The following CPSF6 variants were observed in gnomAD, a reference collection of about 807,000 sequenced individuals.
CPSF6 encodes cleavage and polyadenylation specificity factor subunit 6.
In CPSF6, 10 loss-of-function variants were observed where a neutral mutation model predicts 56.7. The ratio of observed to expected loss-of-function variants is 0.18; its 90% confidence interval spans 0.11 to 0.30. CPSF6 has a LOEUF of 0.30. Ranked by LOEUF, CPSF6 falls within the 10% of genes least tolerant of loss-of-function variation. The pLI is 1.00. For synonymous variants in CPSF6, 248 were observed against 244.8 expected, an observed-to-expected ratio of 1.01 and a Z score of -0.12; for missense variants, 419 against 722.9, an observed-to-expected ratio of 0.58 and a Z score of 4.82.
intron 1 of CPSF6, among the ~76,000 whole-genome samples, chr12:69,246,083 TCA>T (rs907323166): frequency 3.9e-5 from 6 of 152,142 alleles, no homozygotes; most frequent in African/African-American, 1.4e-4. Context: ...CGAGACTTTG[TCA>T]CACACAAAAA....
Position 69,261,621 on chromosome 12 carries a change from A to C in CPSF6, c.1470-752A>C, listed in dbSNP as rs1056090988. ...GCCTTGATCAAGGATTTTAGCACCT[A>C]ATGTTTGCTAAGCTTAGCTGTCTGG... is the stretch of plus-strand genomic sequence containing the variant. On this transcript the variant is annotated intron_variant, in intron 8 of 9. Transcript: ENST00000435070. Among the ~76,000 whole-genome samples, 4 of 150,628 alleles carry C rather than the reference A, an allele frequency of 2.7e-5. No individual in the cohort carries two copies. In the East Asian group the frequency reaches 7.7e-4, roughly 29 times the overall value.
At chr12:69,248,811 T>C (rs1872049553) in intron 1 of CPSF6, among the ~76,000 whole-genome samples, 2 of 152,098 alleles carry the variant, frequency 1.3e-5, no homozygotes, top group African/African-American at 4.8e-5. Context: ...CAAGTAAAAT[T>C]GGTATGTAAA....
chr12:69,258,432 A>T lies in CPSF6; in HGVS notation c.695-158A>T, dbSNP rs972705164. Among the ~76,000 whole-genome samples, 5 of 152,234 alleles carry T rather than the reference A, an allele frequency of 3.3e-5. No individual in the cohort carries two copies. Among genetic ancestry groups the T allele is most frequent in the Non-Finnish European group, 7.3e-5 (5 of 68,044 alleles). On this transcript the variant is annotated intron_variant, in intron 5 of 9. Coordinates refer to ENST00000435070, the MANE Select transcript of CPSF6 (RefSeq NM_007007.3). The surrounding 1 kb of genome is among the most constrained non-coding windows in gnomAD (Gnocchi z 4.2). ...AGTTAAATTTGTAAGGATATACTTCATTGTAGTTGGTAGTGTAACATTTAC... is the reference window on the plus strand; with the variant it reads ...AGTTAAATTTGTAAGGATATACTTCTTTGTAGTTGGTAGTGTAACATTTAC...
intron 4 of CPSF6, 91 bp from the exon 5 acceptor site, chr12:69,257,641 A>G (rs1872567324): frequency 1.6e-6 from 2 of 1,224,342 alleles, no homozygotes; most frequent in Non-Finnish European, 2.3e-6. Flanking sequence ...AAGTTAATAT[A>G]TTAGAAATAG....
intron 6 of CPSF6, 73 bp downstream of exon 6, chr12:69,259,167 A>T: frequency 6.9e-7 from 1 of 1,459,248 alleles, no homozygotes; most frequent in Non-Finnish European, 9.2e-7. Flanking sequence ...ATTAGATTGT[A>T]GGTATATAAA....
In CPSF6 at chr12:69,258,839, G is replaced by A; in HGVS notation, c.944G>A (p.Gly315Glu). ...PPPGPPPPQQGPPPPPGPFPP... is the reference protein window; with the variant it reads ...PPPGPPPPQQEPPPPPGPFPP... Reference sequence around the variant, plus strand: ...CCTGGCCCACCACCTCCACAACAGGGACCACCTCCACCTCCAGGCCCCTTT... The same window carrying A: ...CCTGGCCCACCACCTCCACAACAGGAACCACCTCCACCTCCAGGCCCCTTT... The change falls in exon 6 of 10, where the codon GGA becomes GAA. Residue 315 changes from glycine (G) to glutamate (E), a missense_variant. Physicochemically the swap from Gly to Glu is moderately conservative, Grantham distance 98 (BLOSUM62 -2). Transcript: ENST00000435070. The surrounding 1 kb of genome is among the most constrained non-coding windows in gnomAD (Gnocchi z 4.2). 1 of 1,613,522 alleles carries A rather than the reference G, an allele frequency of 6.2e-7. No homozygotes were observed. The highest frequency in any genetic ancestry group is 8.5e-7 in the Non-Finnish European group (1 of 1,179,814).
rs76567185 is a variant in CPSF6 at position 69,256,888 on chromosome 12, C to T, written c.520+46C>T. ...TTTATTAAAATATGTACATTTTAACCAGTGCATTTGTTAGGTGTTATACTA... is the reference window on the plus strand; with the variant it reads ...TTTATTAAAATATGTACATTTTAACTAGTGCATTTGTTAGGTGTTATACTA... On this transcript the variant is annotated intron_variant, in intron 4 of 9. Transcript: ENST00000435070. The T allele has an allele frequency of 1.6e-3, 2,440 of 1,507,012 alleles. 4 individuals are homozygous for T. The highest frequency in any genetic ancestry group is 2.2e-3 in the Admixed American group (109 of 48,462). The allele number at this position is 1,507,012 out of a possible 1,614,324, so 93.4% of individuals were successfully genotyped here.
chr12:69,260,780 A>G (rs1405068037), intron 8 of CPSF6, among the ~76,000 whole-genome samples: 5 of 152,112 alleles, frequency 3.3e-5, no homozygotes, highest in South Asian at 2.1e-4. Context: ...CCTGCTTACT[A>G]TATTTCTTTT....
chr12:69,262,640 G>T, intron 9 of CPSF6, 78 bp downstream of exon 9: 1 of 1,343,816 alleles, frequency 7.4e-7, no homozygotes, highest in Middle Eastern at 1.9e-4. Flanking sequence ...TGTTTATACA[G>T]TATATACCTA....
intron 1 of CPSF6, among the ~76,000 whole-genome samples, chr12:69,240,864 C>T (rs1160307739): frequency 6.6e-6 from 1 of 152,112 alleles, no homozygotes; most frequent in African/African-American, 2.4e-5. Flanking sequence ...ACCTGCTGTT[C>T]GTATCTACTG....
In CPSF6 at chr12:69,249,152, C is replaced by CGGTGGGGG. The variant is rs1491257320; in HGVS notation, c.61-1975_61-1974insTGGGGGGG. Among the ~76,000 whole-genome samples the CGGTGGGGG allele has an allele frequency of 2.2e-3, 36 of 16,578 alleles. 5 individuals carry two copies. Among genetic ancestry groups the CGGTGGGGG allele is most frequent in the African/African-American group, 4.3e-3 (12 of 2,782 alleles). The allele number at this position is 16,578 out of a possible 152,430, so 10.9% of individuals were successfully genotyped here. Reference sequence around the variant, plus strand: ...GCGGGCGCCTGTAGTCCCAGCTACTCGGGGGGGGGGGGGGGGGCTGAGGCA... The same window carrying CGGTGGGGG: ...GCGGGCGCCTGTAGTCCCAGCTACTCGGTGGGGGGGGGGGGGGGGGGGGGGCTGAGGCA... On this transcript the variant is annotated intron_variant, in intron 1 of 9. Transcript: ENST00000435070.
chr12:69,267,745 A>G (rs943201112), intron 9 of CPSF6, among the ~76,000 whole-genome samples: 3 of 151,902 alleles, frequency 2.0e-5, no homozygotes, highest in Admixed American at 6.6e-5. Context: ...ACTATCCCCC[A>G]TATTTTATGT....
In CPSF6 at chr12:69,273,035, T is replaced by TA. The variant is rs929912321; in HGVS notation, c.*3528dup. On this transcript the variant is annotated 3_prime_UTR_variant, in exon 10 of 10. Transcript: ENST00000435070. ...TTATAAATTTATTAAGATGTGGCCT[T>TA]ACATATGGCATTCCTTGTGTTCGTA... 1 of 248,528 alleles carries TA rather than the reference T, an allele frequency of 4.0e-6. No homozygotes were observed. Among genetic ancestry groups the TA allele is most frequent in the African/African-American group, 2.3e-5 (1 of 43,618 alleles). The allele number at this position is 248,528 out of a possible 1,614,324, so 15.4% of individuals were successfully genotyped here.
Position 69,258,551 on chromosome 12 carries a change from G to C in CPSF6, c.695-39G>C. ...ATAAAAGTTAAAATATCTTATTAGT[G>C]AAGTGTTTTTTTTTCTCTCTTTCTC... On this transcript the variant is annotated intron_variant, in intron 5 of 9. Transcript: ENST00000435070. This position sits in a 1 kb window ranked among gnomAD's most constrained non-coding sequence, Gnocchi z 4.2. 1 of 1,453,670 alleles carries C rather than the reference G, an allele frequency of 6.9e-7. No homozygotes were observed. Among genetic ancestry groups the C allele is most frequent in the Non-Finnish European group, 9.0e-7 (1 of 1,113,896 alleles). The allele number at this position is 1,453,670 out of a possible 1,614,324, so 90.0% of individuals were successfully genotyped here.
chr12:69,262,366 T>A lies in CPSF6; in HGVS notation c.1470-7T>A. 1 of 1,567,950 alleles carries A rather than the reference T, an allele frequency of 6.4e-7. No individual in the cohort carries two copies. The highest frequency in any genetic ancestry group is 8.7e-7 in the Non-Finnish European group (1 of 1,152,660). On this transcript the variant is annotated splice_region_variant and splice_polypyrimidine_tract_variant and intron_variant, in intron 8 of 9. Coordinates refer to ENST00000435070, the MANE Select transcript of CPSF6 (RefSeq NM_007007.3). The stretch of plus-strand genomic sequence containing the variant: ...GAGAGCATTAATCCAGTAATTTCTT[T>A]TAGAAGACGTGAACGATCAAGAGAG...
At chr12:69,264,426 G>A (rs1872881360) in intron 9 of CPSF6, among the ~76,000 whole-genome samples, 1 of 152,044 alleles carries the variant, frequency 6.6e-6, no homozygotes, top group African/African-American at 2.4e-5. Context: ...AGTAAACAAA[G>A]TCCATTGTTA....
At position 69,258,909 on chromosome 12, in the gene CPSF6, T is replaced by G; in HGVS notation, c.1014T>G (p.Ala338=). The G allele has an allele frequency of 6.2e-7, 1 of 1,613,910 alleles. No individual in the cohort carries two copies. Among genetic ancestry groups the G allele is most frequent in the South Asian group, 1.1e-5 (1 of 91,062 alleles). Residue 338 remains alanine, a synonymous_variant, in exon 6 of 10, where the codon GCT becomes GCG. Coordinates refer to ENST00000435070, the MANE Select transcript of CPSF6 (RefSeq NM_007007.3). The surrounding 1 kb of genome is among the most constrained non-coding windows in gnomAD (Gnocchi z 4.2). ...CACTTGGGCCACCCCTTACACTAGC[T>G]CCTCCTCCGCATCTTCCTGGACCAC... ...PGPLGPPLTL[A]PPPHLPGPPP... is the part of the protein sequence containing the mutation.
At chr12:69,265,379 T>C (rs1310479291) in intron 9 of CPSF6, among the ~76,000 whole-genome samples, 2 of 152,196 alleles carry the variant, frequency 1.3e-5, no homozygotes, top group Non-Finnish European at 2.9e-5. Flanking sequence ...TACGTTCCTC[T>C]TGTCACTTCT....
chr12:69,267,054 TTATTA>T (rs1873024857), intron 9 of CPSF6, among the ~76,000 whole-genome samples: 1 of 152,052 alleles, frequency 6.6e-6, no homozygotes, highest in South Asian at 2.1e-4. Flanking sequence ...TCCATTCCTC[TTATTA>T]AGGAGAAATT....
Sources: gnomAD v4.1 joint callset for allele counts (sites outside exome capture counted in the v4.1 genomes callset) on GRCh38, gnomAD v4.1.1 for gene constraint, Gnocchi (gnomAD v3.1) non-coding constraint, MANE v1.5 for transcripts, NCBI Gene and HGNC (gene_info 2026-07-23, HGNC 2026-07-21) for gene names.